Variants in RPRD1A observed in about 807,000 individuals in gnomAD.
RPRD1A encodes the protein regulation of nuclear pre-mRNA domain containing 1A.
RPRD1A carries 9 observed loss-of-function variants against 37.8 expected under a neutral mutation model. The ratio of observed to expected loss-of-function variants is 0.24; its 90% CI spans 0.14 to 0.42. The LOEUF is 0.42. Among genes scored for constraint, RPRD1A ranks in the 10% least tolerant of loss-of-function variants. The pLI, the probability that RPRD1A is intolerant of heterozygous loss-of-function variation, is 1.00. For synonymous variants in RPRD1A, 138 were observed against 139.7 expected, an observed-to-expected ratio of 0.99 and a Z score of 0.08; for missense variants, 255 against 371.0, an observed-to-expected ratio of 0.69 and a Z score of 2.57.
chr18:36,054,993 G>C (rs916646965), intron 1 of RPRD1A, among the ~76,000 whole-genome samples: 1 of 152,158 alleles, frequency 6.6e-6, no homozygotes, highest in African/African-American at 2.4e-5. Context: ...GAGGGCATCT[G>C]TTTTTCTCAG....
chr18:36,041,860 T>C (rs898475784), intron 1 of RPRD1A, among the ~76,000 whole-genome samples: 2 of 152,214 alleles, frequency 1.3e-5, no homozygotes, highest in African/African-American at 2.4e-5. Context: ...CACAGCTGGC[T>C]GCTTCTCCAC....
At position 36,067,541 on chromosome 18, in the gene RPRD1A, G is replaced by C. The variant is rs867589471; in HGVS notation, c.-137C>G. The C allele has an allele frequency of 2.5e-5, 21 of 855,174 alleles. No homozygotes were observed. The Middle Eastern group carries it at 7.2e-4, about 29-fold the overall frequency. 53.0% of individuals were successfully genotyped at this position (855,174 alleles called of 1,614,324 possible). On this transcript the variant is annotated 5_prime_UTR_variant, in exon 1 of 7. Transcript: ENST00000399022. The stretch of plus-strand genomic sequence containing the variant: ...CACGGCCGCCGCTTCATCCAAGACC[G>C]GCCGCAAACCAGCAAGATGGCGTCC...
chr18:36,062,083 C>A (rs1001124373), intron 1 of RPRD1A, among the ~76,000 whole-genome samples: 4 of 150,798 alleles, frequency 2.7e-5, no homozygotes, highest in Admixed American at 6.6e-5. Context: ...TTTGGGAGGC[C>A]GAGGCGGGTG....
intron 6 of RPRD1A, among the ~76,000 whole-genome samples, chr18:36,013,599 T>G (rs1176013104): frequency 6.6e-6 from 1 of 152,174 alleles, no homozygotes; most frequent in African/African-American, 2.4e-5. Context: ...TCAGTGAAGC[T>G]GTTGTCCACG....
In RPRD1A at chr18:36,047,208, G is replaced by GAAATAAATAAATAAAT. The variant is rs111354358; in HGVS notation, c.152-13387_152-13372dup. On this transcript the variant is annotated intron_variant, in intron 1 of 6. Transcript: ENST00000399022. Reference sequence around the variant, plus strand: ...GGGCAACAGAGCAAGACCCTGTCTCGAAATAAATAAATAAATAAATAAATA... The same window carrying GAAATAAATAAATAAAT: ...GGGCAACAGAGCAAGACCCTGTCTCGAAATAAATAAATAAATAAATAAATAAATAAATAAATAAATA... Among the ~76,000 whole-genome samples the GAAATAAATAAATAAAT allele has an allele frequency of 2.9e-3, 435 of 150,106 alleles. 2 individuals are homozygous for GAAATAAATAAATAAAT. Among genetic ancestry groups the GAAATAAATAAATAAAT allele is most frequent in the African/African-American group, 9.9e-3 (400 of 40,456 alleles).
chr18:36,048,817 T>G (rs934978853), intron 1 of RPRD1A, among the ~76,000 whole-genome samples: 1 of 152,052 alleles, frequency 6.6e-6, no homozygotes, highest in Non-Finnish European at 1.5e-5. Context: ...ATAGAAAAAA[T>G]TATAAATGAA....
intron 2 of RPRD1A, among the ~76,000 whole-genome samples, chr18:36,031,729 G>A (rs1008176556): frequency 2.0e-5 from 3 of 152,122 alleles, no homozygotes; most frequent in East Asian, 3.8e-4. Flanking sequence ...ATTTTGTAAA[G>A]TCTTCTCACG....
At chr18:36,027,098 A>C in intron 5 of RPRD1A, 23 bp from the exon 6 acceptor site, 1 of 1,612,694 alleles carries the variant, frequency 6.2e-7, no homozygotes, top group Non-Finnish European at 8.5e-7. Context: ...CGGGATAATA[A>C]AATATTATAC....
chr18:36,034,261 G>C (rs1451402598), intron 1 of RPRD1A, among the ~76,000 whole-genome samples: 1 of 152,120 alleles, frequency 6.6e-6, no homozygotes, highest in Non-Finnish European at 1.5e-5. Context: ...GGTTGAAAGA[G>C]ATGTCCCTTC....
Position 36,021,208 on chromosome 18 carries a change from A to G in RPRD1A, c.789+5692T>C, listed in dbSNP as rs73426939. 6.2e-3 allele frequency among the ~76,000 whole-genome samples: 949 copies of G among 152,316 alleles called. 14 individuals carry two copies. The highest frequency in any genetic ancestry group is 0.022 in the African/African-American group (900 of 41,556). On this transcript the variant is annotated intron_variant, in intron 6 of 6. Transcript: ENST00000399022. The stretch of plus-strand genomic sequence containing the variant: ...GCCATACCTCGTTTTATCATGCTTC[A>G]TTTTAATACACTTTCAAGATACTGT...
chr18:36,047,208 GAAATAAATAAAT>G lies in RPRD1A; in HGVS notation c.152-13383_152-13372del, dbSNP rs111354358. 2.2e-3 allele frequency among the ~76,000 whole-genome samples: 324 copies of G among 150,112 alleles called. 1 individual carries two copies. The highest frequency in any genetic ancestry group is 5.0e-3 in the African/African-American group (201 of 40,458). On this transcript the variant is annotated intron_variant, in intron 1 of 6. Transcript: ENST00000399022. ...GGGCAACAGAGCAAGACCCTGTCTC[GAAATAAATAAAT>G]AAATAAATAAATAAATAAAGCAAGA...
At chr18:36,009,085 G>A (rs1910003954) in intron 6 of RPRD1A, among the ~76,000 whole-genome samples, 1 of 151,986 alleles carries the variant, frequency 6.6e-6, no homozygotes, top group Admixed American at 6.6e-5. Context: ...TATTTCCTAG[G>A]GGAAGTTCTT....
At chr18:36,058,964 C>T (rs1913982502) in intron 1 of RPRD1A, among the ~76,000 whole-genome samples, 2 of 152,098 alleles carry the variant, frequency 1.3e-5, no homozygotes, top group Non-Finnish European at 2.9e-5. Flanking sequence ...GTAAAATAAT[C>T]ACTCCTTTCC....
chr18:36,029,782 T>C (rs1167859929), intron 4 of RPRD1A, among the ~76,000 whole-genome samples: 1 of 152,074 alleles, frequency 6.6e-6, no homozygotes, highest in South Asian at 2.1e-4. Flanking sequence ...AAGAAATGTA[T>C]GAACACATAT....
intron 1 of RPRD1A, among the ~76,000 whole-genome samples, chr18:36,052,580 A>G (rs142154932): frequency 2.3e-4 from 35 of 152,168 alleles, no homozygotes; most frequent in African/African-American, 7.2e-4. Context: ...GCTATTGAAG[A>G]TAAGTTGGTA....
At chr18:36,057,227 GAAC>G (rs937036350) in intron 1 of RPRD1A, among the ~76,000 whole-genome samples, 2 of 150,886 alleles carry the variant, frequency 1.3e-5, no homozygotes, top group Admixed American at 6.6e-5. Flanking sequence ...CAAAAAACAA[GAAC>G]AACAACAACA....
intron 2 of RPRD1A, among the ~76,000 whole-genome samples, chr18:36,032,166 T>G (rs1598634591): frequency 6.6e-6 from 1 of 152,352 alleles, no homozygotes; most frequent in African/African-American, 2.4e-5. Context: ...TTGTATTTCT[T>G]GCTAGCATTT....
intron 6 of RPRD1A, among the ~76,000 whole-genome samples, chr18:35,994,855 CTTTATT>C (rs1036497556): frequency 2.4e-4 from 37 of 152,200 alleles, no homozygotes; most frequent in African/African-American, 8.7e-4. Flanking sequence ...TTTCATCAAA[CTTTATT>C]TTTTGTGGTT....
intron 1 of RPRD1A, among the ~76,000 whole-genome samples, chr18:36,062,452 A>T (rs918310333): frequency 6.6e-6 from 1 of 152,052 alleles, no homozygotes; most frequent in Non-Finnish European, 1.5e-5. Flanking sequence ...TCCAAGATGA[A>T]AACATATCCA....
Sources: allele counts gnomAD v4.1 joint callset (sites outside exome capture counted in the v4.1 genomes callset), GRCh38; gene constraint gnomAD v4.1.1; transcripts MANE v1.5; gene names NCBI Gene and HGNC (gene_info 2026-07-23, HGNC 2026-07-21).